Variants in PAG1 observed in about 807,000 individuals in gnomAD.
The protein encoded by PAG1 is phosphoprotein membrane anchor with glycosphingolipid microdomains 1.
A neutral mutation model predicts 31.7 loss-of-function variants in PAG1; 23 were observed. The observed-to-expected ratio is 0.73, with a 90% confidence interval of 0.52 to 1.03. PAG1 has a LOEUF of 1.03. PAG1 is among the 50% of genes least tolerant of loss of function. The pLI is 0.00. For missense variants in PAG1, 473 were observed against 540.7 expected (o/e 0.87, Z 1.24); for synonymous variants, 214 against 210.3 (o/e 1.02, Z -0.15).
intron 1 of PAG1, among the ~76,000 whole-genome samples, chr8:81,097,500 T>C (rs557565372): frequency 6.6e-6 from 1 of 152,062 alleles, no homozygotes; most frequent in Non-Finnish European, 1.5e-5. Flanking sequence ...GAAAATGATA[T>C]CTGCAAAGAG....
chr8:81,012,004 G>A (rs1404301055), intron 3 of PAG1, among the ~76,000 whole-genome samples: 1 of 152,176 alleles, frequency 6.6e-6, no homozygotes, highest in African/African-American at 2.4e-5. Context: ...GTAACACCAT[G>A]TTTATTTGGC....
chr8:81,030,346 G>C (rs10957995), intron 2 of PAG1, among the ~76,000 whole-genome samples: 20 of 152,148 alleles, frequency 1.3e-4, no homozygotes, highest in Admixed American at 7.9e-4. Context: ...AAAAAGCCAC[G>C]TAAGTGTCTA....
Position 81,036,266 on chromosome 8 carries a change from G to A in PAG1, c.-174-6177C>T, listed in dbSNP as rs186774496. On this transcript the variant is annotated intron_variant, in intron 2 of 8. Coordinates refer to ENST00000220597, the MANE Select transcript of PAG1 (RefSeq NM_018440.4). ...TACCAAAAACCTCTCTTCAGGAAGAGAGCAATTTATTAATCAGTGCTCTCT... is the reference window on the plus strand; with the variant it reads ...TACCAAAAACCTCTCTTCAGGAAGAAAGCAATTTATTAATCAGTGCTCTCT... 5.6e-4 allele frequency among the ~76,000 whole-genome samples: 85 copies of A among 152,280 alleles called. 3 individuals are homozygous for A. Among genetic ancestry groups the A allele is most frequent in the Admixed American group, 5.5e-3 (84 of 15,298 alleles).
At chr8:81,089,292 A>G (rs1216663198) in intron 1 of PAG1, among the ~76,000 whole-genome samples, 5 of 152,180 alleles carry the variant, frequency 3.3e-5, no homozygotes, top group Non-Finnish European at 7.4e-5. Flanking sequence ...CTGATGGGCC[A>G]GGCGCAGTGG....
At chr8:81,007,054 C>T (rs1010671628) in intron 3 of PAG1, among the ~76,000 whole-genome samples, 2 of 152,132 alleles carry the variant, frequency 1.3e-5, no homozygotes, top group African/African-American at 4.8e-5. Flanking sequence ...AGCCCTGCCC[C>T]CTTCACTTCT....
intron 3 of PAG1, among the ~76,000 whole-genome samples, chr8:80,994,534 C>T (rs553488397): frequency 3.3e-5 from 5 of 152,232 alleles, no homozygotes; most frequent in East Asian, 1.9e-4. Context: ...CCCAGCAGAG[C>T]GGTGACTTCC....
chr8:81,028,431 C>G (rs1043997543), intron 3 of PAG1, among the ~76,000 whole-genome samples: 2 of 152,146 alleles, frequency 1.3e-5, no homozygotes, highest in Non-Finnish European at 2.9e-5. Context: ...TTCATTTGTA[C>G]CAATGTGAAT....
chr8:81,038,559 G>A (rs192012654), intron 2 of PAG1, among the ~76,000 whole-genome samples: 23 of 152,278 alleles, frequency 1.5e-4, no homozygotes, highest in Admixed American at 1.3e-3. Context: ...ACTGGGGGTT[G>A]GTAGGTTGGC....
rs962978013 is a variant in PAG1, at chr8:80,972,273, C to T, written c.*4271G>A. ...AAGCTGGCTGGGTACCAGAAATCAA[C>T]ACCTTCAGGAGAATGGCATCACAAG... On this transcript the variant is annotated 3_prime_UTR_variant, in exon 9 of 9. Transcript: ENST00000220597. 2.6e-5 allele frequency: 4 copies of T among 152,146 alleles called. No homozygotes were observed. Among genetic ancestry groups the T allele is most frequent in the Admixed American group, 2.6e-4 (4 of 15,270 alleles). The allele number at this position is 152,146 out of a possible 1,614,324, so 9.4% of individuals were successfully genotyped here. A position where few individuals can be genotyped will look rare whatever the true frequency, so the allele number is the denominator to read the frequency against.
chr8:81,096,462 C>T (rs1416656124), intron 1 of PAG1, among the ~76,000 whole-genome samples: 1 of 152,130 alleles, frequency 6.6e-6, no homozygotes, highest in Admixed American at 6.5e-5. Context: ...AAGAAAACTA[C>T]AAAAAGATGA....
At chr8:80,989,976 C>T (rs1351188145) in intron 5 of PAG1, among the ~76,000 whole-genome samples, 3 of 152,048 alleles carry the variant, frequency 2.0e-5, no homozygotes, top group Admixed American at 6.6e-5. Context: ...GGTGGAGTGA[C>T]GAAAGGCAGG....
chr8:81,046,799 A>G (rs1053341951), intron 2 of PAG1, among the ~76,000 whole-genome samples: 2 of 152,114 alleles, frequency 1.3e-5, no homozygotes, highest in Non-Finnish European at 1.5e-5. Flanking sequence ...CTAGGTATTA[A>G]GCCCAGCATC....
At chr8:81,096,366 G>C (rs919281021) in intron 1 of PAG1, among the ~76,000 whole-genome samples, 2 of 152,050 alleles carry the variant, frequency 1.3e-5, no homozygotes, top group South Asian at 2.1e-4. Context: ...TATAAAAAAG[G>C]CTACCCAAAT....
intron 2 of PAG1, among the ~76,000 whole-genome samples, chr8:81,066,321 G>A (rs768810949): frequency 2.6e-5 from 4 of 152,170 alleles, no homozygotes; most frequent in Non-Finnish European, 5.9e-5. Flanking sequence ...TGCAAGCATC[G>A]CAAATGCACT....
chr8:80,999,245 C>T (rs561353995), intron 3 of PAG1, among the ~76,000 whole-genome samples: 4 of 152,200 alleles, frequency 2.6e-5, no homozygotes, highest in Non-Finnish European at 4.4e-5. Context: ...GAATCACCTA[C>T]CCAGATATTT....
chr8:81,019,513 G>A (rs1316441508), intron 3 of PAG1, among the ~76,000 whole-genome samples: 1 of 152,252 alleles, frequency 6.6e-6, no homozygotes. Flanking sequence ...GCTAAAAGGG[G>A]CCAACATACA....
intron 2 of PAG1, among the ~76,000 whole-genome samples, chr8:81,034,580 C>A (rs757653974): frequency 3.5e-4 from 53 of 152,176 alleles, no homozygotes; most frequent in Non-Finnish European, 1.0e-4. Flanking sequence ...TTCCTCCATC[C>A]CAAGGAATCC....
chr8:81,052,870 T>C (rs1472737325), intron 2 of PAG1, among the ~76,000 whole-genome samples: 1 of 152,202 alleles, frequency 6.6e-6, no homozygotes, highest in African/African-American at 2.4e-5. Flanking sequence ...ATTTTTCAGA[T>C]AAAGAAACTG....
At chr8:81,011,189 G>C (rs1055347035) in intron 3 of PAG1, among the ~76,000 whole-genome samples, 9 of 152,304 alleles carry the variant, frequency 5.9e-5, no homozygotes, top group South Asian at 4.1e-4. Context: ...TGTCTTTGCA[G>C]CTATAACTAA....
Sources: allele counts gnomAD v4.1 joint callset (sites outside exome capture counted in the v4.1 genomes callset), GRCh38; gene constraint gnomAD v4.1.1; transcripts MANE v1.5; gene names NCBI Gene and HGNC (gene_info 2026-07-23, HGNC 2026-07-21).